Variants in COL14A1 observed in about 807,000 individuals in gnomAD.
COL14A1 encodes collagen type XIV alpha 1 chain, also known as collagen alpha-1(XIV) chain.
COL14A1 carries 136 observed loss-of-function variants against 230.3 expected under a neutral mutation model. The observed-to-expected ratio is 0.59, with a 90% CI of 0.51 to 0.68. The LOEUF (loss-of-function observed/expected upper bound fraction) is 0.68, where lower values mean the gene tolerates loss of function less well. COL14A1 is among the 30% of genes least tolerant of loss of function. The pLI is 0.00. For synonymous variants in COL14A1, 792 were observed against 784.1 expected, an observed-to-expected ratio of 1.01 and a Z score of -0.17; for missense variants, 1,976 against 2,215.8, an observed-to-expected ratio of 0.89 and a Z score of 2.17.
intron 1 of COL14A1, among the ~76,000 whole-genome samples, chr8:120,139,535 A>G (rs1814829850): frequency 6.6e-6 from 1 of 152,216 alleles, no homozygotes; most frequent in African/African-American, 2.4e-5. Flanking sequence ...AGTTAGTCCC[A>G]CAACCTTAAT....
chr8:120,135,300 G>T (rs1814673367), intron 1 of COL14A1, among the ~76,000 whole-genome samples: 1 of 151,876 alleles, frequency 6.6e-6, no homozygotes, highest in Non-Finnish European at 1.5e-5. Flanking sequence ...GTCTCCCTCT[G>T]TTGTCCAGGC....
In COL14A1 at chr8:120,345,385, C is replaced by T. The variant is rs771512512; in HGVS notation, c.4899C>T (p.Ala1633=). 2 of 1,588,652 alleles carry T rather than the reference C, an allele frequency of 1.3e-6. No homozygotes were observed. Among genetic ancestry groups the T allele is most frequent in the South Asian group, 2.3e-5 (2 of 86,374 alleles). The part of the protein sequence containing the change: ...VCEQLIQSHM[A]RYTAILNQIP... The stretch of plus-strand genomic sequence containing the variant: ...TGCTTCATACCTCAGGTCACATGGC[C>T]AGGTACACTGCCATCCTCAACCAGA... Residue 1633 remains alanine, a synonymous_variant, in exon 45 of 48, where the codon GCC becomes GCT. Transcript: ENST00000297848.
chr8:120,315,574 T>G lies in COL14A1; in HGVS notation c.4593T>G (p.Leu1531=), dbSNP rs1821194824. The G allele has an allele frequency of 6.2e-7, 1 of 1,613,292 alleles. No individual in the cohort carries two copies. The highest frequency in any genetic ancestry group is 1.7e-5 in the Admixed American group (1 of 59,938). ...GEKGEKGDTG[L]PGPQGIPGGV... ...AAGGAGAGAAAGGAGATACTGGCCT[T>G]CCAGGTCCACAGGTATTATTTTTGT... The change falls in exon 39 of 48, where the codon CTT becomes CTG. Residue 1531 remains leucine (L), a synonymous_variant. Coordinates refer to ENST00000297848, the MANE Select transcript of COL14A1 (RefSeq NM_021110.4).
At chr8:120,263,372 A>G (rs866107054) in intron 24 of COL14A1, among the ~76,000 whole-genome samples, 10 of 152,320 alleles carry the variant, frequency 6.6e-5, no homozygotes, top group Middle Eastern at 3.4e-3. Flanking sequence ...CATTAAAACA[A>G]TGGCATATTA....
intron 45 of COL14A1, among the ~76,000 whole-genome samples, chr8:120,353,535 A>C (rs1822850624): frequency 6.7e-6 from 1 of 149,838 alleles, no homozygotes. Context: ...AACTCAAACA[A>C]ATTTACAAGA....
At chr8:120,363,710 G>C (rs925948029) in intron 45 of COL14A1, among the ~76,000 whole-genome samples, 2 of 152,172 alleles carry the variant, frequency 1.3e-5, no homozygotes, top group Non-Finnish European at 2.9e-5. Context: ...AGATAAGTAA[G>C]GCACAGCTCC....
intron 36 of COL14A1, among the ~76,000 whole-genome samples, chr8:120,308,467 A>T (rs1473033382): frequency 1.3e-5 from 2 of 152,248 alleles, no homozygotes; most frequent in African/African-American, 4.8e-5. Flanking sequence ...TGAAGTCATA[A>T]CTATGTAAAA....
At chr8:120,211,276 T>A (rs1207733373) in intron 12 of COL14A1, among the ~76,000 whole-genome samples, 1 of 152,158 alleles carries the variant, frequency 6.6e-6, no homozygotes, top group Non-Finnish European at 1.5e-5. Context: ...AAAATAGTGG[T>A]ATATTTATAG....
chr8:120,321,121 A>G (rs1432145052), intron 40 of COL14A1, among the ~76,000 whole-genome samples: 1 of 152,184 alleles, frequency 6.6e-6, no homozygotes, highest in Non-Finnish European at 1.5e-5. Flanking sequence ...CAAAAGAGAT[A>G]TTTAATAAGC....
At chr8:120,302,770 T>C (rs146907165) in intron 36 of COL14A1, among the ~76,000 whole-genome samples, 1 of 152,334 alleles carries the variant, frequency 6.6e-6, no homozygotes, top group East Asian at 1.9e-4. Flanking sequence ...TTTCTAGTTC[T>C]GTAAAGAATG....
chr8:120,148,799 A>G (rs1815178613), intron 2 of COL14A1, among the ~76,000 whole-genome samples: 1 of 152,194 alleles, frequency 6.6e-6, no homozygotes, highest in African/African-American at 2.4e-5. Flanking sequence ...AATTTGTGAA[A>G]TCTGCTCTTT....
intron 23 of COL14A1, among the ~76,000 whole-genome samples, chr8:120,257,616 T>C (rs933504272): frequency 6.6e-6 from 1 of 152,188 alleles, no homozygotes; most frequent in Admixed American, 6.5e-5. Context: ...AAAGGACTTG[T>C]GGTAAGATGC....
At chr8:120,274,565 TACCTAGAGAACTTAAAGACTTCTCCAAAA>T (rs1819780391) in intron 26 of COL14A1, among the ~76,000 whole-genome samples, 44 of 151,840 alleles carry the variant, frequency 2.9e-4, no homozygotes, top group Admixed American at 2.9e-3. Flanking sequence ...TATGATCATA[TACCTAGAGAACTTAAAGACTTCTCCAAAA>T]GACTCCTAGA....
chr8:120,236,371 G>A (rs954945515), intron 19 of COL14A1, among the ~76,000 whole-genome samples: 1 of 151,924 alleles, frequency 6.6e-6, no homozygotes, highest in Admixed American at 6.6e-5. Context: ...ATTATGTAAT[G>A]CCCTTCTTTG....
intron 44 of COL14A1, among the ~76,000 whole-genome samples, chr8:120,344,151 A>G (rs1586883178): frequency 6.6e-6 from 1 of 152,310 alleles, no homozygotes; most frequent in Non-Finnish European, 1.5e-5. Flanking sequence ...CCTGCCTGTC[A>G]ATATACTAGA....
At chr8:120,260,520 G>A (rs1819290096) in intron 23 of COL14A1, among the ~76,000 whole-genome samples, 1 of 152,134 alleles carries the variant, frequency 6.6e-6, no homozygotes, top group African/African-American at 2.4e-5. Flanking sequence ...AATGATATGT[G>A]TAATATATTT....
At chr8:120,129,874 C>G (rs185944309) in intron 1 of COL14A1, among the ~76,000 whole-genome samples, 8 of 152,182 alleles carry the variant, frequency 5.3e-5, no homozygotes, top group Non-Finnish European at 1.0e-4. Context: ...TTACTGATTG[C>G]CTATGTGTGT....
At chr8:120,205,509 G>T (rs2130742409) in intron 9 of COL14A1, among the ~76,000 whole-genome samples, 1 of 152,304 alleles carries the variant, frequency 6.6e-6, no homozygotes, top group East Asian at 1.9e-4. Flanking sequence ...TTGCCTTATA[G>T]AGTTGTAATC....
At chr8:120,357,806 T>A (rs1823038113) in intron 45 of COL14A1, among the ~76,000 whole-genome samples, 1 of 152,166 alleles carries the variant, frequency 6.6e-6, no homozygotes, top group South Asian at 2.1e-4. Flanking sequence ...TTTTAAATCA[T>A]CCAAATGTCA....
Sources: gnomAD v4.1 joint callset for allele counts (sites outside exome capture counted in the v4.1 genomes callset) on GRCh38, gnomAD v4.1.1 for gene constraint, MANE v1.5 for transcripts, NCBI Gene and HGNC (gene_info 2026-07-23, HGNC 2026-07-21) for gene names.